SLC25A3: variants seen among roughly 807,000 people sequenced by gnomAD.
SLC25A3 encodes the protein phosphate transport protein.
Under a neutral mutation model 37.1 loss-of-function variants are expected in SLC25A3, and 14 were observed. The observed-to-expected ratio is 0.38, with a 90% CI of 0.25 to 0.59. The LOEUF (loss-of-function observed/expected upper bound fraction) is 0.59. SLC25A3 is among the 20% of genes least tolerant of loss of function. SLC25A3 has a pLI of 0.67. For synonymous variants in SLC25A3, 161 were observed against 168.7 expected (o/e 0.95, Z 0.36); for missense variants, 385 against 458.1 (o/e 0.84, Z 1.46).
rs927530483 is a variant in SLC25A3, at chr12:98,598,636, C to T, written c.574C>T (p.Gln192Ter). ...MEAAKVRIQT[Q>*]PGYANTLRDA... ...AGCTGCTAAGGTTCGAATTCAAACCCAGCCAGGTTATGCCAACACTTTGAG... is the reference window on the plus strand; with the variant it reads ...AGCTGCTAAGGTTCGAATTCAAACCTAGCCAGGTTATGCCAACACTTTGAG... Residue 192 changes from glutamine (Q) to a stop codon, truncating the protein, a stop_gained, in exon 5 of 8, where the codon CAG (glutamine) becomes TAG (stop). Coordinates refer to ENST00000552981, the MANE Select transcript of SLC25A3 (RefSeq NM_002635.4). LOFTEE classifies it high-confidence loss of function. 2 of 1,613,982 alleles carry T rather than the reference C, an allele frequency of 1.2e-6. No homozygotes were observed. The highest frequency in any genetic ancestry group is 2.7e-5 in the African/African-American group (2 of 74,912).
intron 2 of SLC25A3, chr12:98,594,354 G>A (rs1473664537): frequency 2.8e-6 from 2 of 702,630 alleles, no homozygotes; most frequent in Non-Finnish European, 5.2e-6. Context: ...CTGAGGCCCT[G>A]TGTCCCTTCG....
intron 2 of SLC25A3, chr12:98,594,350 C>A (rs577356523): frequency 2.8e-6 from 2 of 702,944 alleles, no homozygotes; most frequent in East Asian, 5.4e-5. Flanking sequence ...AGCGCTGAGG[C>A]CCTGTGTCCC....
intron 5 of SLC25A3, 150 bp from the exon 6 acceptor site, chr12:98,599,805 A>T: frequency 1.2e-6 from 1 of 859,836 alleles, no homozygotes; most frequent in Non-Finnish European, 2.0e-6. Flanking sequence ...CCTGCATGTT[A>T]GTCTAACGTT....
At chr12:98,597,672 C>T in intron 3 of SLC25A3, 184 bp from the exon 4 acceptor site, 1 of 720,996 alleles carries the variant, frequency 1.4e-6, no homozygotes, top group Non-Finnish European at 2.2e-6. Flanking sequence ...AATCCACCTG[C>T]CTCAGCCTCC....
In SLC25A3 at chr12:98,594,045, C is replaced by G. The variant is rs752887242; in HGVS notation, c.67C>G (p.His23Asp). 6 of 1,613,554 alleles carry G rather than the reference C, an allele frequency of 3.7e-6. No individual in the cohort carries two copies. The highest frequency in any genetic ancestry group is 4.2e-6 in the Non-Finnish European group (5 of 1,179,878). The change falls in exon 2 of 8, where the codon CAC becomes GAC. Residue 23 changes from histidine (H) to aspartate (D), a missense_variant. Physicochemically the swap from His to Asp is moderately conservative, Grantham distance 81 (BLOSUM62 -1). Transcript: ENST00000552981. ...CAACACGCCACATCTGCAGCTGGTG[C>G]ACGATGGTCTCGGGGACCTCCGCAG... ...PFNTPHLQLV[H>D]DGLGDLRSSS...
chr12:98,595,528 C>A, intron 2 of SLC25A3, 199 bp from the exon 3 acceptor site: 3 of 1,614,094 alleles, frequency 1.9e-6, no homozygotes, highest in South Asian at 1.1e-5. Context: ...AGCATTGGTT[C>A]CTCTAGATCT....
chr12:98,600,888 A>C (rs866620315), intron 6 of SLC25A3, among the ~76,000 whole-genome samples: 19 of 152,150 alleles, frequency 1.2e-4, no homozygotes, highest in African/African-American at 4.1e-4. Flanking sequence ...ATGGGATGTC[A>C]TTATTAGGCT....
rs758552650 is a variant in SLC25A3 at position 98,597,980 on chromosome 12, G to T, written c.404G>T (p.Cys135Phe). 6.2e-7 allele frequency: 1 copy of T among 1,613,974 alleles called. No homozygotes were observed. Among genetic ancestry groups the T allele is most frequent in the Non-Finnish European group, 8.5e-7 (1 of 1,179,856 alleles). ...TFLGYSMQGL[C>F]KFGFYEVFKV... The stretch of plus-strand genomic sequence containing the variant: ...CTTGGCTACTCCATGCAGGGACTCT[G>T]CAAGTTTGGCTTTTATGAAGTCTTT... Residue 135 changes from cysteine to phenylalanine, a missense_variant, in exon 4 of 8, where the codon TGC (cysteine) becomes TTC (phenylalanine). Transcript: ENST00000552981.
rs1333283877 is a variant in SLC25A3 at position 98,603,045 on chromosome 12, C to T, written c.*1517C>T. 6.6e-6 allele frequency: 1 copy of T among 152,226 alleles called. No homozygotes were observed. Among genetic ancestry groups the T allele is most frequent in the Non-Finnish European group, 1.5e-5 (1 of 68,034 alleles). The allele number at this position is 152,226 out of a possible 1,614,324, so 9.4% of individuals were successfully genotyped here. A position where few individuals can be genotyped will look rare whatever the true frequency, so the allele number is the denominator to read the frequency against. On this transcript the variant is annotated 3_prime_UTR_variant, in exon 8 of 8. Coordinates refer to ENST00000552981, the MANE Select transcript of SLC25A3 (RefSeq NM_002635.4). ...GTTGTAGGTACAAATTTGGACCAAACTTTAAAAAGGTAAAGTAGGATGTCT... is the reference window on the plus strand; with the variant it reads ...GTTGTAGGTACAAATTTGGACCAAATTTTAAAAAGGTAAAGTAGGATGTCT...
intron 1 of SLC25A3, 49 bp downstream of exon 1, chr12:98,593,789 C>T (rs2097590451): frequency 1.6e-6 from 1 of 641,558 alleles, no homozygotes; most frequent in African/African-American, 1.8e-5. Context: ...GAGCGGAGCC[C>T]AGAGCTCCTG....
rs112958711 is a variant in SLC25A3, at chr12:98,601,620, A to G, written c.*92A>G. The G allele has an allele frequency of 5.1e-5, 43 of 838,034 alleles. No homozygotes were observed. Among genetic ancestry groups the G allele is most frequent in the Middle Eastern group, 4.7e-4 (2 of 4,240 alleles). The allele number at this position is 838,034 out of a possible 1,614,324, so 51.9% of individuals were successfully genotyped here. ...TTTTATATATTTGACAGTGTAGGAA[A>G]TTGTCTATTCCTGATATAATTACTG... On this transcript the variant is annotated 3_prime_UTR_variant, in exon 8 of 8. Coordinates refer to ENST00000552981, the MANE Select transcript of SLC25A3 (RefSeq NM_002635.4).
intron 6 of SLC25A3, among the ~76,000 whole-genome samples, chr12:98,600,483 G>GCT (rs1216838551): frequency 1.3e-5 from 2 of 152,142 alleles, no homozygotes; most frequent in Non-Finnish European, 2.9e-5. Flanking sequence ...TGCAATCTTG[G>GCT]CTCACTGCAG....
intron 2 of SLC25A3, 27 bp from the exon 3 acceptor site, chr12:98,595,700 T>G: frequency 6.2e-7 from 1 of 1,614,146 alleles, no homozygotes; most frequent in Non-Finnish European, 8.5e-7. Context: ...TATATTAAAA[T>G]GCATGGTGTG....
rs961147473 is a variant in SLC25A3 at position 98,599,983 on chromosome 12, A to G, written c.670A>G (p.Met224Val). The change falls in exon 6 of 8, where the codon ATG becomes GTG. Residue 224 changes from methionine to valine, a missense_variant. This residue lies in a region of SLC25A3 where 276 missense variants were observed against 367.6 expected (regional missense o/e 0.75). Coordinates refer to ENST00000552981, the MANE Select transcript of SLC25A3 (RefSeq NM_002635.4). ...CTACAAGGGGGTTGCTCCTCTCTGG[A>G]TGAGACAGATACCATACACCATGAT... The part of the protein sequence containing the change: ...AFYKGVAPLW[M>V]RQIPYTMMKF... 1 of 1,613,952 alleles carries G rather than the reference A, an allele frequency of 6.2e-7. No individual in the cohort carries two copies. The highest frequency in any genetic ancestry group is 1.6e-4 in the Middle Eastern group (1 of 6,062).
intron 4 of SLC25A3, 55 bp from the exon 5 acceptor site, chr12:98,598,467 A>G (rs1255808864): frequency 1.7e-5 from 28 of 1,611,542 alleles, no homozygotes; most frequent in African/African-American, 5.3e-5. Flanking sequence ...TGTCACTTCA[A>G]TTGAAAACCA....
At position 98,601,257 on chromosome 12, in the gene SLC25A3, G is replaced by A. The variant is rs1472810770; in HGVS notation, c.901G>A (p.Val301Ile). The change falls in exon 7 of 8, where the codon GTC (valine) becomes ATC (isoleucine). Residue 301 changes from valine to isoleucine, a missense_variant. Transcript: ENST00000552981. ...AGAAAAAGGTAGCAGTGCTTCTCTGGTCCTCAAGAGACTTGGATTTAAAGG... is the reference window on the plus strand; with the variant it reads ...AGAAAAAGGTAGCAGTGCTTCTCTGATCCTCAAGAGACTTGGATTTAAAGG... Reference protein sequence around the residue: ...NKEKGSSASLVLKRLGFKGVW... With the variant: ...NKEKGSSASLILKRLGFKGVW... The A allele has an allele frequency of 6.2e-7, 1 of 1,614,094 alleles. No homozygotes were observed.
chr12:98,603,923 A>C lies in SLC25A3; in HGVS notation c.*2395A>C, dbSNP rs780580828. On this transcript the variant is annotated 3_prime_UTR_variant, in exon 8 of 8. Coordinates refer to ENST00000552981, the MANE Select transcript of SLC25A3 (RefSeq NM_002635.4). ...TTACATTTCATTTAATGAAATGTCT[A>C]CTGTCAATACGATAAAGCAGAACCC... The C allele has an allele frequency of 6.6e-6, 1 of 152,162 alleles. No homozygotes were observed. Among genetic ancestry groups the C allele is most frequent in the Non-Finnish European group, 1.5e-5 (1 of 68,032 alleles). 9.4% of individuals were successfully genotyped at this position (152,162 alleles called of 1,614,324 possible).
rs1483975387 is a variant in SLC25A3, at chr12:98,603,400, A to G, written c.*1872A>G. On this transcript the variant is annotated 3_prime_UTR_variant, in exon 8 of 8. Coordinates refer to ENST00000552981, the MANE Select transcript of SLC25A3 (RefSeq NM_002635.4). ...TTGGCTTTTTAGGACTTATCCTTCA[A>G]TGTCACATAACATCACTTTTACCAT... is the stretch of plus-strand genomic sequence containing the variant. 2.6e-5 allele frequency: 4 copies of G among 152,172 alleles called. No individual in the cohort carries two copies. The East Asian group carries it at 7.7e-4, about 29-fold the overall frequency. The allele number at this position is 152,172 out of a possible 1,614,324, so 9.4% of individuals were successfully genotyped here. A position where few individuals can be genotyped will look rare whatever the true frequency, so the allele number is the denominator to read the frequency against.
At chr12:98,594,205 C>A (rs1204728254) in intron 2 of SLC25A3, 70 bp downstream of exon 2, 3 of 1,335,242 alleles carry the variant, frequency 2.2e-6, no homozygotes, top group Non-Finnish European at 2.1e-6. Flanking sequence ...GAGGCCTGGA[C>A]CCGGCTTGGA....
Sources: gnomAD v4.1 joint callset for allele counts (sites outside exome capture counted in the v4.1 genomes callset) on GRCh38, gnomAD v4.1.1 for gene constraint, gnomAD v4.1.1 regional missense constraint, MANE v1.5 for transcripts, NCBI Gene and HGNC (gene_info 2026-07-23, HGNC 2026-07-21) for gene names.